CLSTN2: variants seen among roughly 807,000 people sequenced by gnomAD.
CLSTN2 encodes the protein calsyntenin 2.
In CLSTN2, 48 loss-of-function variants were observed where a neutral mutation model predicts 101.2. The ratio of observed to expected loss-of-function variants is 0.47; its 90% CI spans 0.38 to 0.60. The LOEUF is 0.60. Ranked by LOEUF, CLSTN2 falls within the 20% of genes least tolerant of loss-of-function variation. CLSTN2 has a pLI of 0.00. For synonymous variants in CLSTN2, 481 were observed against 463.6 expected (o/e 1.04, Z -0.48); for missense variants, 1,160 against 1,238.2 (o/e 0.94, Z 0.95).
intron 8 of CLSTN2, among the ~76,000 whole-genome samples, chr3:140,518,272 T>A (rs139671554): frequency 6.6e-6 from 1 of 152,278 alleles, no homozygotes; most frequent in East Asian, 1.9e-4. Context: ...CCTTCCCACC[T>A]GTAGCAACTT....
chr3:140,287,662 A>G (rs1255954416), intron 2 of CLSTN2, among the ~76,000 whole-genome samples: 2 of 152,198 alleles, frequency 1.3e-5, no homozygotes, highest in African/African-American at 4.8e-5. Flanking sequence ...AATACTTGGT[A>G]TATGTAAATT....
chr3:140,423,167 T>C (rs1364752411), intron 5 of CLSTN2, among the ~76,000 whole-genome samples: 2 of 152,234 alleles, frequency 1.3e-5, no homozygotes, highest in African/African-American at 4.8e-5. Flanking sequence ...TAAATTTAAA[T>C]ATAATTTCCT....
chr3:140,182,943 C>T (rs1344992088), intron 2 of CLSTN2, among the ~76,000 whole-genome samples: 1 of 152,046 alleles, frequency 6.6e-6, no homozygotes, highest in Non-Finnish European at 1.5e-5. Context: ...GAGGTTGCCT[C>T]AAGGGGATGG....
intron 10 of CLSTN2, among the ~76,000 whole-genome samples, chr3:140,548,737 G>C (rs1935652995): frequency 6.6e-6 from 1 of 152,166 alleles, no homozygotes; most frequent in South Asian, 2.1e-4. Flanking sequence ...GTGCCAGAGA[G>C]GTAGGCAGAG....
intron 2 of CLSTN2, among the ~76,000 whole-genome samples, chr3:140,384,539 T>A (rs139869392): frequency 2.0e-5 from 3 of 152,316 alleles, no homozygotes; most frequent in African/African-American, 2.4e-5. Context: ...CTAGCCTTGA[T>A]GAGAGGTGCC....
In CLSTN2 at chr3:140,135,547, T is replaced by C. The variant is rs149604683; in HGVS notation, c.110-40404T>C. On this transcript the variant is annotated intron_variant, in intron 1 of 16. Coordinates refer to ENST00000458420, the MANE Select transcript of CLSTN2 (RefSeq NM_022131.3). ...ATGAGCAACTAAACTTCTAGGAATGTCAAGGAAAAGCTGCTGAAGGAGGAA... is the reference window on the plus strand; with the variant it reads ...ATGAGCAACTAAACTTCTAGGAATGCCAAGGAAAAGCTGCTGAAGGAGGAA... Among the ~76,000 whole-genome samples the C allele has an allele frequency of 2.5e-3, 375 of 152,308 alleles. 2 individuals are homozygous for C. Among genetic ancestry groups the C allele is most frequent in the Middle Eastern group, 0.01 (3 of 294 alleles).
At chr3:139,962,838 T>C (rs905491993) in intron 1 of CLSTN2, among the ~76,000 whole-genome samples, 33 of 152,186 alleles carry the variant, frequency 2.2e-4, no homozygotes, top group African/African-American at 7.2e-4. Context: ...TTATTCCCAA[T>C]AAAGCTGATA....
chr3:140,444,235 G>C (rs1576570891), intron 5 of CLSTN2, among the ~76,000 whole-genome samples: 1 of 152,134 alleles, frequency 6.6e-6, no homozygotes, highest in Non-Finnish European at 1.5e-5. Context: ...TTCGAGACCA[G>C]CCTGGCCAAC....
At chr3:140,320,213 G>C (rs2087268509) in intron 2 of CLSTN2, among the ~76,000 whole-genome samples, 1 of 152,208 alleles carries the variant, frequency 6.6e-6, no homozygotes, top group Non-Finnish European at 1.5e-5. Flanking sequence ...ATGCACAGAG[G>C]ACAACTGCCC....
chr3:140,223,678 C>T (rs1462377623), intron 2 of CLSTN2, among the ~76,000 whole-genome samples: 1 of 152,148 alleles, frequency 6.6e-6, no homozygotes, highest in Non-Finnish European at 1.5e-5. Flanking sequence ...GTTTCCTGTG[C>T]CTCTGTCTAC....
At chr3:140,464,022 T>C (rs1389058166) in intron 7 of CLSTN2, among the ~76,000 whole-genome samples, 1 of 152,178 alleles carries the variant, frequency 6.6e-6, no homozygotes, top group Non-Finnish European at 1.5e-5. Context: ...TATCAATTCC[T>C]ATGTAAAGAT....
intron 1 of CLSTN2, among the ~76,000 whole-genome samples, chr3:139,948,985 G>A (rs539494926): frequency 9.1e-4 from 139 of 152,236 alleles, no homozygotes; most frequent in Non-Finnish European, 1.4e-3. Flanking sequence ...TCTGCAGGAC[G>A]ACCCAGTTTT....
chr3:140,050,238 A>G (rs1410634647), intron 1 of CLSTN2, among the ~76,000 whole-genome samples: 1 of 152,166 alleles, frequency 6.6e-6, no homozygotes, highest in African/African-American at 2.4e-5. Flanking sequence ...ACAGGGGTCA[A>G]CGCCATCTCT....
chr3:140,182,392 G>A (rs1435123658), intron 2 of CLSTN2, among the ~76,000 whole-genome samples: 1 of 152,096 alleles, frequency 6.6e-6, no homozygotes, highest in African/African-American at 2.4e-5. Flanking sequence ...ATGGGATATT[G>A]GGGAATAACC....
intron 2 of CLSTN2, among the ~76,000 whole-genome samples, chr3:140,329,351 G>A (rs115593411): frequency 0.087 from 13,228 of 152,196 alleles, 688 homozygotes; most frequent in Middle Eastern, 0.14. Flanking sequence ...ACGCCACTGC[G>A]CTCCATCCTG....
chr3:140,420,820 A>C (rs971438324), intron 4 of CLSTN2, among the ~76,000 whole-genome samples: 8 of 152,184 alleles, frequency 5.3e-5, no homozygotes, highest in African/African-American at 1.9e-4. Flanking sequence ...TTCAGGAGGA[A>C]GTCTTCTGGC....
chr3:140,559,886 A>G (rs1006793114), intron 12 of CLSTN2, among the ~76,000 whole-genome samples: 7 of 152,202 alleles, frequency 4.6e-5, no homozygotes, highest in Non-Finnish European at 1.0e-4. Flanking sequence ...ATGATGTTTT[A>G]CCACCTGTCC....
intron 1 of CLSTN2, among the ~76,000 whole-genome samples, chr3:140,083,346 C>G (rs767531723): frequency 3.3e-5 from 5 of 152,110 alleles, no homozygotes; most frequent in Non-Finnish European, 7.4e-5. Context: ...CCCAAATTTT[C>G]TAATGGCAGC....
chr3:140,457,611 G>A (rs1005060452), intron 6 of CLSTN2, among the ~76,000 whole-genome samples: 3 of 152,204 alleles, frequency 2.0e-5, no homozygotes, highest in Non-Finnish European at 2.9e-5. Context: ...AAGTAACATG[G>A]ATATCAATTA....
Sources: allele counts gnomAD v4.1 joint callset (sites outside exome capture counted in the v4.1 genomes callset), GRCh38; gene constraint gnomAD v4.1.1; transcripts MANE v1.5; gene names NCBI Gene and HGNC (gene_info 2026-07-23, HGNC 2026-07-21).